GLIPR1L1: variants seen among roughly 807,000 people sequenced by gnomAD.
The protein encoded by GLIPR1L1 is GLIPR1-like protein 1.
A neutral mutation model predicts 29.9 loss-of-function variants in GLIPR1L1; 26 were observed. That is an observed-to-expected ratio of 0.87 (90% CI 0.64 to 1.21). The LOEUF is 1.21. Ranked by LOEUF, GLIPR1L1 falls within the 50% of genes most tolerant of loss-of-function variation. The probability of loss-of-function intolerance (pLI) is 0.00; values close to 1 mark genes in which losing one functional copy is unlikely to be tolerated. For synonymous variants in GLIPR1L1, 77 were observed against 97.5 expected, an observed-to-expected ratio of 0.79 and a Z score of 1.24; for missense variants, 305 against 290.3, an observed-to-expected ratio of 1.05 and a Z score of -0.37.
intron 4 of GLIPR1L1, chr12:75,367,100 A>C: frequency 1.4e-6 from 1 of 692,284 alleles, no homozygotes; most frequent in Non-Finnish European, 2.6e-6. Flanking sequence ...ATTTGGGGAG[A>C]AAACGTAATG....
chr12:75,335,546 T>C (rs1295914295), intron 1 of GLIPR1L1, among the ~76,000 whole-genome samples: 1 of 152,184 alleles, frequency 6.6e-6, no homozygotes. Context: ...ATAGTATTAG[T>C]CTATTTTATG....
intron 4 of GLIPR1L1, among the ~76,000 whole-genome samples, chr12:75,364,198 A>G (rs1054190501): frequency 5.9e-5 from 9 of 152,230 alleles, no homozygotes; most frequent in Non-Finnish European, 1.2e-4. Flanking sequence ...GAATTACAAA[A>G]GGGAGGAAGG....
intron 3 of GLIPR1L1, among the ~76,000 whole-genome samples, chr12:75,362,564 T>C (rs1192724423): frequency 6.6e-6 from 1 of 152,208 alleles, no homozygotes; most frequent in African/African-American, 2.4e-5. Context: ...TGTTATGTTT[T>C]TATTTGTGTA....
intron 2 of GLIPR1L1, among the ~76,000 whole-genome samples, chr12:75,345,985 G>A (rs2042418427): frequency 1.3e-5 from 2 of 152,080 alleles, no homozygotes; most frequent in South Asian, 4.1e-4. Context: ...CTTGCTTAAT[G>A]TTCTAAACAA....
chr12:75,358,914 A>G (rs1382624522), intron 3 of GLIPR1L1, among the ~76,000 whole-genome samples: 4 of 145,518 alleles, frequency 2.7e-5, no homozygotes, highest in Non-Finnish European at 6.0e-5. Context: ...ATATTATATT[A>G]GTACAGACTG....
At chr12:75,367,142 G>A (rs1476462917) in intron 4 of GLIPR1L1, 3 of 642,534 alleles carry the variant, frequency 4.7e-6, no homozygotes, top group Non-Finnish European at 8.4e-6. Context: ...CCTCCAAAGT[G>A]GAAACCAAAT....
intron 4 of GLIPR1L1, chr12:75,369,648 A>C (rs1469881092): frequency 1.9e-5 from 19 of 984,274 alleles, no homozygotes; most frequent in Non-Finnish European, 2.3e-5. Context: ...ACGTTTCTTC[A>C]GGGACGTGAA....
At chr12:75,358,825 T>C (rs945954979) in intron 3 of GLIPR1L1, among the ~76,000 whole-genome samples, 2 of 143,902 alleles carry the variant, frequency 1.4e-5, no homozygotes, top group African/African-American at 5.1e-5. Flanking sequence ...TAAATATATA[T>C]AATATATAAC....
Position 75,357,409 on chromosome 12 carries a change from A to T in GLIPR1L1, c.522-5693A>T, listed in dbSNP as rs146032455. ...TGTAAAGAGAATTAGATAAATCCAT[A>T]ATTAACATTAGGTATTTCAATTATC... On this transcript the variant is annotated intron_variant, in intron 3 of 5. Coordinates refer to ENST00000378695, the MANE Select transcript of GLIPR1L1 (RefSeq NM_001304964.2). Among the ~76,000 whole-genome samples the T allele has an allele frequency of 4.1e-3, 627 of 152,272 alleles. 3 individuals are homozygous for T. Among genetic ancestry groups the T allele is most frequent in the African/African-American group, 0.014 (602 of 41,566 alleles).
At position 75,354,563 on chromosome 12, in the gene GLIPR1L1, A is replaced by C. The variant is rs569875465; in HGVS notation, c.521+6841A>C. Among the ~76,000 whole-genome samples the C allele has an allele frequency of 3.3e-5, 5 of 152,356 alleles. No homozygotes were observed. In the East Asian group the frequency reaches 9.6e-4, roughly 29 times the overall value. On this transcript the variant is annotated intron_variant, in intron 3 of 5. Coordinates refer to ENST00000378695, the MANE Select transcript of GLIPR1L1 (RefSeq NM_001304964.2). ...TGAAAATGGCCATACTGCCCAAAGT[A>C]ATTTACAGATTCAATGCTATTCCCA...
At chr12:75,367,961 T>G (rs2139674828) in intron 4 of GLIPR1L1, among the ~76,000 whole-genome samples, 1 of 152,248 alleles carries the variant, frequency 6.6e-6, no homozygotes, top group Admixed American at 6.5e-5. Context: ...TTATAAAAGT[T>G]TTCTCTTTTC....
In GLIPR1L1 at chr12:75,370,381, T is replaced by A. The variant is rs1024220293; in HGVS notation, c.*205T>A. On this transcript the variant is annotated 3_prime_UTR_variant, in exon 6 of 6. Coordinates refer to ENST00000378695, the MANE Select transcript of GLIPR1L1 (RefSeq NM_001304964.2). Reference sequence around the variant, plus strand: ...AGAATAAAGTCTTAAGATTATTTTTTAATTACAAATCCATATGTGTATCAA... The same window carrying A: ...AGAATAAAGTCTTAAGATTATTTTTAAATTACAAATCCATATGTGTATCAA... 2.4e-6 allele frequency: 1 copy of A among 422,966 alleles called. No homozygotes were observed. The highest frequency in any genetic ancestry group is 4.2e-6 in the Non-Finnish European group (1 of 235,704). 26.2% of individuals were successfully genotyped at this position (422,966 alleles called of 1,614,324 possible).
intron 1 of GLIPR1L1, among the ~76,000 whole-genome samples, chr12:75,335,411 T>C (rs1443817030): frequency 7.2e-5 from 11 of 152,286 alleles, no homozygotes; most frequent in Admixed American, 2.6e-4. Context: ...AAGCATTGGA[T>C]TATTAAATAA....
At chr12:75,348,930 G>T (rs1205092209) in intron 3 of GLIPR1L1, among the ~76,000 whole-genome samples, 1 of 152,182 alleles carries the variant, frequency 6.6e-6, no homozygotes, top group Non-Finnish European at 1.5e-5. Context: ...CTGTCTCAGT[G>T]AGAGTGTTCA....
chr12:75,343,443 A>G (rs558287837), intron 1 of GLIPR1L1, among the ~76,000 whole-genome samples: 3 of 151,952 alleles, frequency 2.0e-5, no homozygotes, highest in African/African-American at 7.2e-5. Flanking sequence ...TTGTTTAGTG[A>G]CTCTAATGTA....
chr12:75,351,087 G>T (rs2042778042), intron 3 of GLIPR1L1, among the ~76,000 whole-genome samples: 1 of 152,144 alleles, frequency 6.6e-6, no homozygotes, highest in Admixed American at 6.5e-5. Flanking sequence ...CCAAGTGGAA[G>T]AAAGGATATC....
At chr12:75,361,790 A>G (rs142484561) in intron 3 of GLIPR1L1, among the ~76,000 whole-genome samples, 138 of 152,184 alleles carry the variant, frequency 9.1e-4, no homozygotes, top group African/African-American at 3.2e-3. Context: ...CCATAATCCA[A>G]TCACCTCCCT....
intron 4 of GLIPR1L1, among the ~76,000 whole-genome samples, chr12:75,366,079 T>C (rs1304936519): frequency 1.3e-5 from 2 of 152,158 alleles, no homozygotes; most frequent in African/African-American, 4.8e-5. Flanking sequence ...AAAGCCAGTT[T>C]ATTTATTAAA....
intron 4 of GLIPR1L1, 39 bp from the exon 5 acceptor site, chr12:75,369,921 T>C (rs556178571): frequency 1.6e-6 from 2 of 1,242,290 alleles, no homozygotes; most frequent in Admixed American, 2.8e-5. Flanking sequence ...TTTCTTGTTT[T>C]ATAACATTTT....
Sources: gnomAD v4.1 joint callset for allele counts (sites outside exome capture counted in the v4.1 genomes callset) on GRCh38, gnomAD v4.1.1 for gene constraint, MANE v1.5 for transcripts, NCBI Gene and HGNC (gene_info 2026-07-23, HGNC 2026-07-21) for gene names.